The following PLB1 variants were observed in gnomAD, a reference collection of about 807,000 sequenced individuals.
PLB1 encodes phospholipase B1.
In PLB1, 242 loss-of-function variants were observed where a neutral mutation model predicts 227.4. The ratio of observed to expected loss-of-function variants is 1.06; its 90% CI spans 0.96 to 1.18. The LOEUF is 1.18. PLB1 is among the 50% of genes most tolerant of loss of function. The pLI, the probability that PLB1 is intolerant of heterozygous loss-of-function variation, is 0.00. For synonymous variants in PLB1, 757 were observed against 682.2 expected, an observed-to-expected ratio of 1.11 and a Z score of -1.71; for missense variants, 1,858 against 1,816.3, an observed-to-expected ratio of 1.02 and a Z score of -0.42.
At chr2:28,552,588 T>C (rs1336318716) in intron 16 of PLB1, among the ~76,000 whole-genome samples, 2 of 152,022 alleles carry the variant, frequency 1.3e-5, no homozygotes, top group Non-Finnish European at 2.9e-5. Context: ...TCAGATCACG[T>C]TGAGAATGAC....
At chr2:28,630,000 GCTCTCT>G (rs1189462486) in intron 53 of PLB1, among the ~76,000 whole-genome samples, 1 of 152,184 alleles carries the variant, frequency 6.6e-6, no homozygotes, top group East Asian at 1.9e-4. Context: ...AGGGAACCCT[GCTCTCT>G]CGCAGGGAAC....
chr2:28,606,435 AAT>A, intron 42 of PLB1, 59 bp from the exon 43 acceptor site: 3 of 1,507,398 alleles, frequency 2.0e-6, no homozygotes, highest in Non-Finnish European at 2.8e-6. Flanking sequence ...TCTGCCAGGG[AAT>A]GTTCACTTCC....
chr2:28,549,028 T>G, intron 15 of PLB1, 97 bp downstream of exon 15: 2 of 1,054,930 alleles, frequency 1.9e-6, no homozygotes, highest in South Asian at 1.3e-5. Flanking sequence ...TTACCTGAGA[T>G]GTGAATCCTG....
At position 28,641,234 on chromosome 2, in the gene PLB1, G is replaced by A. The variant is rs571686015; in HGVS notation, c.4173+233G>A. ...AGCTCCAACCGAAGGGAGGACAGTCGCTCAGGGAGGCAGATGAGCACTGGC... is the reference window on the plus strand; with the variant it reads ...AGCTCCAACCGAAGGGAGGACAGTCACTCAGGGAGGCAGATGAGCACTGGC... On this transcript the variant is annotated intron_variant, in intron 57 of 57. Coordinates refer to ENST00000327757, the MANE Select transcript of PLB1 (RefSeq NM_153021.5). Among the ~76,000 whole-genome samples the A allele has an allele frequency of 2.0e-4, 31 of 152,316 alleles. No individual in the cohort carries two copies. The South Asian group carries it at 3.9e-3, about 19-fold the overall frequency.
At chr2:28,604,587 A>T in intron 40 of PLB1, 68 bp from the exon 41 acceptor site, 1 of 1,298,218 alleles carries the variant, frequency 7.7e-7, no homozygotes, top group Non-Finnish European at 1.1e-6. Context: ...CACCACCCCT[A>T]CTCTTGCCTC....
chr2:28,584,071 A>C (rs531787337), intron 25 of PLB1, among the ~76,000 whole-genome samples: 9 of 151,806 alleles, frequency 5.9e-5, no homozygotes, highest in Non-Finnish European at 1.2e-4. Context: ...CAGCTCTGTT[A>C]CTCGGTACAG....
intron 18 of PLB1, among the ~76,000 whole-genome samples, chr2:28,563,705 A>G (rs756169577): frequency 4.9e-4 from 75 of 152,266 alleles, no homozygotes; most frequent in Non-Finnish European, 8.2e-4. Context: ...AAGCAGAATC[A>G]GGCCCTTGAG....
intron 6 of PLB1, among the ~76,000 whole-genome samples, chr2:28,526,611 G>A (rs1028474371): frequency 6.6e-6 from 1 of 152,110 alleles, no homozygotes; most frequent in Admixed American, 6.5e-5. Flanking sequence ...CAGCAGCTGG[G>A]TCAGCCTAGC....
intron 33 of PLB1, among the ~76,000 whole-genome samples, chr2:28,597,109 A>G (rs894565903): frequency 5.3e-5 from 8 of 152,078 alleles, no homozygotes; most frequent in African/African-American, 1.4e-4. Flanking sequence ...TAAAAAACAG[A>G]AAAAATTAGC....
chr2:28,505,050 A>T (rs1266146177), intron 1 of PLB1, among the ~76,000 whole-genome samples: 1 of 152,148 alleles, frequency 6.6e-6, no homozygotes, highest in East Asian at 1.9e-4. Flanking sequence ...CTTCAAACTA[A>T]ATTCATGGTG....
At chr2:28,562,558 A>AAAAAAAG (rs1261725245) in intron 17 of PLB1, among the ~76,000 whole-genome samples, 3 of 147,658 alleles carry the variant, frequency 2.0e-5, no homozygotes, top group Admixed American at 7.0e-5. Context: ...AAAAAAAAAA[A>AAAAAAAG]AGTCAGTGGC....
intron 17 of PLB1, among the ~76,000 whole-genome samples, chr2:28,553,583 A>T (rs1352865335): frequency 6.6e-6 from 1 of 152,208 alleles, no homozygotes. Flanking sequence ...CCTGGGTGTG[A>T]TAGCTATGGG....
intron 6 of PLB1, among the ~76,000 whole-genome samples, chr2:28,527,348 G>T (rs1317809475): frequency 6.6e-6 from 1 of 152,198 alleles, no homozygotes; most frequent in Non-Finnish European, 1.5e-5. Flanking sequence ...CATACCCAAT[G>T]GGGAAGGAGG....
At chr2:28,603,832 G>A (rs1366209409) in intron 39 of PLB1, 134 bp from the exon 40 acceptor site, 3 of 761,282 alleles carry the variant, frequency 3.9e-6, no homozygotes, top group South Asian at 1.6e-5. Context: ...GTGCGCCAGA[G>A]CCTCAAGGCT....
rs1485015499 is a variant in PLB1 at position 28,620,932 on chromosome 2, G to A, written c.3481G>A (p.Glu1161Lys). 1 of 1,613,950 alleles carries A rather than the reference G, an allele frequency of 6.2e-7. No homozygotes were observed. Among genetic ancestry groups the A allele is most frequent in the Non-Finnish European group, 8.5e-7 (1 of 1,179,910 alleles). Residue 1161 changes from glutamate (E) to lysine (K), a missense_variant, in exon 49 of 58, where the codon GAG becomes AAG. Coordinates refer to ENST00000327757, the MANE Select transcript of PLB1 (RefSeq NM_153021.5). ...YLLGFSTSTWEGTAGLNVAAE... is the reference protein window; with the variant it reads ...YLLGFSTSTWKGTAGLNVAAE... ...CCTTGGCTTCTCTACCAGCACCTGG[G>A]AGGGGACAGCAGGACTAAATGTGGC...
chr2:28,553,405 G>A (rs1050117411), intron 17 of PLB1, among the ~76,000 whole-genome samples: 2 of 152,180 alleles, frequency 1.3e-5, no homozygotes, highest in Non-Finnish European at 2.9e-5. Flanking sequence ...AAAACACCAC[G>A]CAGAGCAGGA....
At chr2:28,642,114 G>T (rs961715506) in intron 57 of PLB1, among the ~76,000 whole-genome samples, 1 of 152,168 alleles carries the variant, frequency 6.6e-6, no homozygotes, top group Non-Finnish European at 1.5e-5. Flanking sequence ...TGGTTTCACC[G>T]TCTCTTACCT....
intron 49 of PLB1, among the ~76,000 whole-genome samples, chr2:28,624,849 T>C (rs1053551792): frequency 3.3e-5 from 5 of 152,060 alleles, no homozygotes. Flanking sequence ...GATGAGACTA[T>C]TGGGTGGCAG....
chr2:28,570,065 A>G (rs1677752797), intron 20 of PLB1, among the ~76,000 whole-genome samples: 1 of 152,194 alleles, frequency 6.6e-6, no homozygotes, highest in Admixed American at 6.5e-5. Context: ...AAAAAAGCCC[A>G]GACTGTCTCT....
Sources: gnomAD v4.1 joint callset for allele counts (sites outside exome capture counted in the v4.1 genomes callset) on GRCh38, gnomAD v4.1.1 for gene constraint, MANE v1.5 for transcripts, NCBI Gene and HGNC (gene_info 2026-07-23, HGNC 2026-07-21) for gene names.